Variants in IMMP2L observed in about 807,000 individuals in gnomAD.
IMMP2L encodes mitochondrial inner membrane protease subunit 2.
IMMP2L carries 18 observed loss-of-function variants against 19.3 expected under a neutral mutation model. That is an observed-to-expected ratio of 0.93 (90% confidence interval 0.64 to 1.38). The LOEUF (loss-of-function observed/expected upper bound fraction) is 1.38, where lower values mean the gene tolerates loss of function less well. IMMP2L is among the 40% of genes most tolerant of loss of function. IMMP2L has a pLI of 0.00. For synonymous variants in IMMP2L, 76 were observed against 73.0 expected, an observed-to-expected ratio of 1.04 and a Z score of -0.21; for missense variants, 233 against 218.2, an observed-to-expected ratio of 1.07 and a Z score of -0.43.
At chr7:111,194,081 T>A (rs769810173) in intron 3 of IMMP2L, among the ~76,000 whole-genome samples, 1 of 152,192 alleles carries the variant, frequency 6.6e-6, no homozygotes, top group Non-Finnish European at 1.5e-5. Context: ...CCTGGTCATA[T>A]GGCACAAAGT....
intron 3 of IMMP2L, among the ~76,000 whole-genome samples, chr7:111,256,549 T>C (rs1239771725): frequency 6.6e-6 from 1 of 152,056 alleles, no homozygotes; most frequent in African/African-American, 2.4e-5. Flanking sequence ...CATTTACAAA[T>C]AAGCAGTTTC....
chr7:110,898,638 T>A lies in IMMP2L; in HGVS notation c.306-11943A>T, dbSNP rs1345209933. 6.6e-5 allele frequency among the ~76,000 whole-genome samples: 10 copies of A among 152,238 alleles called. No individual in the cohort carries two copies. The East Asian group carries it at 1.9e-3, about 29-fold the overall frequency. On this transcript the variant is annotated intron_variant, in intron 4 of 5. Coordinates refer to ENST00000405709, the MANE Select transcript of IMMP2L (RefSeq NM_032549.4). ...GCCAGAACAAATAAAACACATTATC[T>A]ACTTCCCTGGAGATTGCTCCCCATC...
chr7:110,817,207 A>G (rs148938617), intron 5 of IMMP2L, among the ~76,000 whole-genome samples: 13,687 of 152,128 alleles, frequency 0.09, 953 homozygotes, highest in African/African-American at 0.19. Flanking sequence ...GCATATCCAG[A>G]AAACCCCATT....
At chr7:111,175,665 A>G (rs919393869) in intron 3 of IMMP2L, among the ~76,000 whole-genome samples, 5 of 151,864 alleles carry the variant, frequency 3.3e-5, no homozygotes, top group African/African-American at 9.7e-5. Flanking sequence ...ACCTCAATCT[A>G]TGAAATTATT....
At chr7:110,872,210 ACTGCT>A (rs1808607010) in intron 5 of IMMP2L, among the ~76,000 whole-genome samples, 1 of 152,134 alleles carries the variant, frequency 6.6e-6, no homozygotes, top group African/African-American at 2.4e-5. Flanking sequence ...GCCAAACAAA[ACTGCT>A]CAAGTACCCA....
intron 3 of IMMP2L, among the ~76,000 whole-genome samples, chr7:111,007,692 T>C (rs1824449635): frequency 6.6e-6 from 1 of 152,056 alleles, no homozygotes; most frequent in Admixed American, 6.6e-5. Context: ...CATATAGACA[T>C]GCATGTATGT....
At chr7:110,902,647 G>C (rs1245666832) in intron 4 of IMMP2L, among the ~76,000 whole-genome samples, 1 of 39,376 alleles carries the variant, frequency 2.5e-5, no homozygotes, top group Non-Finnish European at 4.3e-5. Context: ...AGACTCGGCC[G>C]GGCGCGGTGG....
At chr7:110,928,466 A>G (rs1585303112) in intron 4 of IMMP2L, among the ~76,000 whole-genome samples, 1 of 135,364 alleles carries the variant, frequency 7.4e-6, no homozygotes, top group Non-Finnish European at 1.5e-5. Context: ...AGAGGTTAGG[A>G]GAGAAAAACA....
intron 5 of IMMP2L, among the ~76,000 whole-genome samples, chr7:110,849,081 G>C (rs1805947638): frequency 6.6e-6 from 1 of 152,048 alleles, no homozygotes; most frequent in African/African-American, 2.4e-5. Context: ...GGGTAATAAT[G>C]ATGTGTCAAT....
At chr7:110,718,824 A>AG (rs1296596076) in intron 5 of IMMP2L, among the ~76,000 whole-genome samples, 1 of 151,918 alleles carries the variant, frequency 6.6e-6, no homozygotes, top group Admixed American at 6.6e-5. Context: ...CTTACCTGAA[A>AG]TAGCCAGAAG....
chr7:110,824,645 G>A (rs891117273), intron 5 of IMMP2L, among the ~76,000 whole-genome samples: 1 of 152,002 alleles, frequency 6.6e-6, no homozygotes, highest in Non-Finnish European at 1.5e-5. Flanking sequence ...TGATATTACA[G>A]GGATGAACCA....
intron 5 of IMMP2L, among the ~76,000 whole-genome samples, chr7:110,698,169 TCCA>T (rs1794013708): frequency 6.6e-6 from 1 of 152,176 alleles, no homozygotes; most frequent in South Asian, 2.1e-4. Context: ...ACCCAAACTC[TCCA>T]CCATAGTCAC....
At chr7:110,960,659 G>C (rs896055322) in intron 4 of IMMP2L, among the ~76,000 whole-genome samples, 1 of 151,330 alleles carries the variant, frequency 6.6e-6, no homozygotes, top group African/African-American at 2.4e-5. Context: ...AGGCTGGATA[G>C]GCTCTTGAAA....
At chr7:111,119,966 G>A (rs1048258037) in intron 3 of IMMP2L, among the ~76,000 whole-genome samples, 5 of 152,164 alleles carry the variant, frequency 3.3e-5, no homozygotes, top group African/African-American at 9.7e-5. Flanking sequence ...TTGAACTGAG[G>A]TTTGAAAAGA....
intron 3 of IMMP2L, among the ~76,000 whole-genome samples, chr7:111,423,293 C>G (rs887130540): frequency 1.3e-5 from 2 of 151,824 alleles, no homozygotes; most frequent in African/African-American, 4.9e-5. Flanking sequence ...AGGAATGGTA[C>G]CAGCTAATCT....
In IMMP2L at chr7:111,134,261, C is replaced by T. The variant is rs137937202; in HGVS notation, c.240-170696G>A. Among the ~76,000 whole-genome samples the T allele has an allele frequency of 1.8e-3, 268 of 152,104 alleles. 2 individuals carry two copies. Among genetic ancestry groups the T allele is most frequent in the African/African-American group, 6.1e-3 (254 of 41,550 alleles). ...TGTATAATACCAGACATACTTCTAACTACCTAGATTTTTATATCACTTTCT... is the reference window on the plus strand; with the variant it reads ...TGTATAATACCAGACATACTTCTAATTACCTAGATTTTTATATCACTTTCT... On this transcript the variant is annotated intron_variant, in intron 3 of 5. Transcript: ENST00000405709.
chr7:111,090,710 C>T (rs1213705684), intron 3 of IMMP2L, among the ~76,000 whole-genome samples: 1 of 151,880 alleles, frequency 6.6e-6, no homozygotes, highest in Non-Finnish European at 1.5e-5. Flanking sequence ...TTGCAAGCTT[C>T]TCTTCTTAAA....
intron 3 of IMMP2L, among the ~76,000 whole-genome samples, chr7:110,984,934 T>G (rs1007473784): frequency 7.9e-5 from 12 of 152,020 alleles, no homozygotes; most frequent in Admixed American, 7.2e-4. Context: ...AATACAGAGA[T>G]AATTCAATTA....
chr7:110,947,582 C>T (rs983964524), intron 4 of IMMP2L, among the ~76,000 whole-genome samples: 5 of 152,148 alleles, frequency 3.3e-5, no homozygotes, highest in African/African-American at 1.2e-4. Flanking sequence ...GTAAAGCTTA[C>T]TGCTTATTAT....
Sources: allele counts gnomAD v4.1 joint callset (sites outside exome capture counted in the v4.1 genomes callset), GRCh38; gene constraint gnomAD v4.1.1; transcripts MANE v1.5; gene names NCBI Gene and HGNC (gene_info 2026-07-23, HGNC 2026-07-21).